Variants in DMXL2 observed in about 807,000 individuals in gnomAD.
DMXL2 encodes Dmx like 2.
Under a neutral mutation model 331.1 loss-of-function variants are expected in DMXL2, and 103 were observed. The ratio of observed to expected loss-of-function variants is 0.31; its 90% CI spans 0.27 to 0.37. DMXL2 has a LOEUF of 0.37. DMXL2 is among the 10% of genes least tolerant of loss of function. The pLI is 1.00. For missense variants in DMXL2, 3,171 were observed against 3,642.9 expected, an observed-to-expected ratio of 0.87 and a Z score of 3.33; for synonymous variants, 1,281 against 1,252.1, an observed-to-expected ratio of 1.02 and a Z score of -0.49.
chr15:51,566,502 T>C (rs1228138002), intron 3 of DMXL2, among the ~76,000 whole-genome samples: 1 of 152,100 alleles, frequency 6.6e-6, no homozygotes, highest in East Asian at 1.9e-4. Flanking sequence ...GTGCAATCTG[T>C]GGAGCAACTA....
chr15:51,491,457 TCTCAAGAC>T, intron 20 of DMXL2, 113 bp downstream of exon 20: 1 of 974,278 alleles, frequency 1.0e-6, no homozygotes, highest in Non-Finnish European at 1.5e-6. Flanking sequence ...AAAAAAAAAT[TCTCAAGAC>T]CTCAAGATAG....
At position 51,622,519 on chromosome 15, in the gene DMXL2, T is replaced by C. The variant is rs2278989; in HGVS notation, c.27A>G (p.Gly9=). ...AGCAGTTGTCTCCAGGGTTGACAGCTCCGGTGAGGACCTGATGCAGATGCA... is the reference window on the plus strand; with the variant it reads ...AGCAGTTGTCTCCAGGGTTGACAGCCCCGGTGAGGACCTGATGCAGATGCA... MHLHQVLT[G]AVNPGDNCYS... Residue 9 remains glycine (G), a synonymous_variant, in exon 1 of 44, where the codon GGA becomes GGG. Coordinates refer to ENST00000560891, the MANE Select transcript of DMXL2 (RefSeq NM_001378457.1). 0.5 allele frequency: 779,793 copies of C among 1,563,166 alleles called. 196,148 individuals carry two copies. Among genetic ancestry groups the C allele is most frequent in the Non-Finnish European group, 0.52 (594,930 of 1,153,272 alleles).
In DMXL2 at chr15:51,499,388, T is replaced by C; in HGVS notation, c.3836A>G (p.Lys1279Arg). The change falls in exon 18 of 44, where the codon AAA (lysine) becomes AGA (arginine). Residue 1279 changes from lysine (K) to arginine (R), a missense_variant. This residue lies in a region of DMXL2 where 1,674 missense variants were observed against 1,780.2 expected (regional missense o/e 0.94). Transcript: ENST00000560891. ...ACTATCAGCTTCAGTGTCTCCAAAT[T>C]TGACAGCATGCTTCCACTGTGCATA... ...HVYAQWKHAV[K>R]FGDTEADSSN... The C allele has an allele frequency of 6.2e-7, 1 of 1,613,930 alleles. No individual in the cohort carries two copies. The highest frequency in any genetic ancestry group is 8.5e-7 in the Non-Finnish European group (1 of 1,179,998).
At chr15:51,511,084 A>G (rs571930506) in intron 15 of DMXL2, among the ~76,000 whole-genome samples, 1 of 152,348 alleles carries the variant, frequency 6.6e-6, no homozygotes, top group East Asian at 1.9e-4. Flanking sequence ...TAAAATCATA[A>G]AAACCCTAGA....
intron 27 of DMXL2, among the ~76,000 whole-genome samples, chr15:51,474,890 G>T (rs11636170): frequency 0.49 from 74,723 of 151,874 alleles, 18,666 homozygotes; most frequent in Non-Finnish European, 0.52. Context: ...AAAATCACCA[G>T]CTAGTAACCC....
chr15:51,587,052 G>A (rs188923716), intron 1 of DMXL2, among the ~76,000 whole-genome samples: 18 of 150,612 alleles, frequency 1.2e-4, no homozygotes, highest in Admixed American at 1.1e-3. Flanking sequence ...AAAACCTACA[G>A]TCACCTTTTA....
At chr15:51,561,245 A>C (rs2049949700) in intron 6 of DMXL2, among the ~76,000 whole-genome samples, 1 of 152,256 alleles carries the variant, frequency 6.6e-6, no homozygotes, top group Admixed American at 6.5e-5. Context: ...ATTGAAAGAC[A>C]TGAGTTTCAG....
At position 51,499,428 on chromosome 15, in the gene DMXL2, A is replaced by C; in HGVS notation, c.3796T>G (p.Cys1266Gly). 6.2e-7 allele frequency: 1 copy of C among 1,614,002 alleles called. No individual in the cohort carries two copies. The highest frequency in any genetic ancestry group is 8.5e-7 in the Non-Finnish European group (1 of 1,180,024). ...CACTGTGCATATACATGCATTTCAC[A>C]ATCCATTCCTACCACCAATATCCCA... ...RDGILVVGMD[C>G]EMHVYAQWKH... Residue 1266 changes from cysteine to glycine, a missense_variant, in exon 18 of 44, where the codon TGT becomes GGT. Physicochemically the swap from Cys to Gly is radical, Grantham distance 159. Coordinates refer to ENST00000560891, the MANE Select transcript of DMXL2 (RefSeq NM_001378457.1).
chr15:51,568,957 T>C (rs1311233232), intron 2 of DMXL2, among the ~76,000 whole-genome samples: 3 of 151,694 alleles, frequency 2.0e-5, no homozygotes, highest in South Asian at 2.1e-4. Context: ...CCCGCAGAGG[T>C]TGAGCTGAAG....
intron 13 of DMXL2, among the ~76,000 whole-genome samples, chr15:51,533,250 T>C (rs1007347314): frequency 6.6e-6 from 1 of 152,110 alleles, no homozygotes; most frequent in Non-Finnish European, 1.5e-5. Flanking sequence ...CTTGAACTCA[T>C]GGGGTCAAGC....
intron 6 of DMXL2, among the ~76,000 whole-genome samples, chr15:51,549,050 G>C (rs546115482): frequency 6.6e-6 from 1 of 151,940 alleles, no homozygotes; most frequent in Non-Finnish European, 1.5e-5. Context: ...GGATTTTGGT[G>C]CACCCATCGC....
At chr15:51,557,029 G>C (rs1262049537) in intron 6 of DMXL2, among the ~76,000 whole-genome samples, 1 of 150,364 alleles carries the variant, frequency 6.7e-6, no homozygotes, top group Non-Finnish European at 1.5e-5. Flanking sequence ...CACTCTGCTA[G>C]AGGTCCTAGA....
intron 29 of DMXL2, among the ~76,000 whole-genome samples, chr15:51,470,587 A>T (rs536060122): frequency 3.3e-5 from 5 of 152,326 alleles, no homozygotes; most frequent in African/African-American, 1.2e-4. Context: ...GACTCTGGAG[A>T]TGTATTCCCT....
chr15:51,487,983 G>C lies in DMXL2; in HGVS notation c.5188C>G (p.Leu1730Val). 1 of 1,611,028 alleles carries C rather than the reference G, an allele frequency of 6.2e-7. No homozygotes were observed. Among genetic ancestry groups the C allele is most frequent in the South Asian group, 1.1e-5 (1 of 90,454 alleles). Residue 1730 changes from leucine to valine, a missense_variant, in exon 22 of 44, where the codon CTA becomes GTA. By Grantham distance (32) the Leu-to-Val change is conservative (BLOSUM62 1). Coordinates refer to ENST00000560891, the MANE Select transcript of DMXL2 (RefSeq NM_001378457.1). ...RFEQSAAFFL[L>V]AGSLKDAIEV... is the part of the protein sequence containing the mutation. ...ATGGCATCTTTCAATGAACCAGCTA[G>C]CAAGAAAAAAGCAGCCGATTGTTCA...
At chr15:51,543,545 T>A (rs2048721930) in intron 8 of DMXL2, among the ~76,000 whole-genome samples, 1 of 152,182 alleles carries the variant, frequency 6.6e-6, no homozygotes, top group African/African-American at 2.4e-5. Context: ...ACTGGATCTT[T>A]GACATTAACC....
intron 6 of DMXL2, among the ~76,000 whole-genome samples, chr15:51,560,158 C>A (rs1245566839): frequency 2.6e-5 from 4 of 152,006 alleles, no homozygotes; most frequent in Non-Finnish European, 5.9e-5. Flanking sequence ...AAAAAGAATA[C>A]TTTTATAGCA....
chr15:51,574,809 T>C (rs1453419534), intron 2 of DMXL2, among the ~76,000 whole-genome samples: 1 of 152,240 alleles, frequency 6.6e-6, no homozygotes, highest in African/African-American at 2.4e-5. Flanking sequence ...ACCAATGTCT[T>C]ATATACTTTT....
intron 1 of DMXL2, among the ~76,000 whole-genome samples, chr15:51,602,062 C>T (rs1459318120): frequency 6.6e-6 from 1 of 152,138 alleles, no homozygotes; most frequent in African/African-American, 2.4e-5. Context: ...AGCCATAAAA[C>T]ATAAACAGAA....
intron 1 of DMXL2, among the ~76,000 whole-genome samples, chr15:51,592,665 G>A (rs11070858): frequency 0.4 from 61,087 of 152,010 alleles, 13,853 homozygotes; most frequent in Non-Finnish European, 0.5. Context: ...CGCAGCCAGA[G>A]AGAAAGGTCC....
Sources: gnomAD v4.1 joint callset for allele counts (sites outside exome capture counted in the v4.1 genomes callset) on GRCh38, gnomAD v4.1.1 for gene constraint, gnomAD v4.1.1 regional missense constraint, MANE v1.5 for transcripts, NCBI Gene and HGNC (gene_info 2026-07-23, HGNC 2026-07-21) for gene names.